IFT43: variants seen among roughly 807,000 people sequenced by gnomAD.
IFT43 encodes intraflagellar transport 43.
IFT43 carries 33 observed loss-of-function variants against 32.3 expected under a neutral mutation model. That is an observed-to-expected ratio of 1.02 (90% confidence interval 0.77 to 1.37). The LOEUF is 1.37. Ranked by LOEUF, IFT43 falls within the 40% of genes most tolerant of loss-of-function variation. The probability of loss-of-function intolerance (pLI) is 0.00; values close to 1 mark genes in which losing one functional copy is unlikely to be tolerated. For missense variants in IFT43, 274 were observed against 265.9 expected, an observed-to-expected ratio of 1.03 and a Z score of -0.21; for synonymous variants, 93 against 98.2, an observed-to-expected ratio of 0.95 and a Z score of 0.31.
intron 1 of IFT43, among the ~76,000 whole-genome samples, chr14:75,987,698 C>T (rs548795020): frequency 1.2e-4 from 19 of 152,258 alleles, no homozygotes; most frequent in African/African-American, 2.4e-4. Flanking sequence ...ATAAATATTT[C>T]AGCACCCAAG....
chr14:76,076,459 C>T lies in IFT43; in HGVS notation c.296-5836C>T. 1.2e-5 allele frequency: 16 copies of T among 1,312,636 alleles called. No homozygotes were observed. The South Asian group carries it at 2.0e-4, about 17-fold the overall frequency. The allele number at this position is 1,312,636 out of a possible 1,614,324, so 81.3% of individuals were successfully genotyped here. A position where few individuals can be genotyped will look rare whatever the true frequency, so the allele number is the denominator to read the frequency against. On this transcript the variant is annotated intron_variant, in intron 5 of 8. Transcript: ENST00000314067. Reference sequence around the variant, plus strand: ...TGAGGCATCTCTGCCTGGGTGGGACCCAGGGGCCAGATTGGGGTGTCTCCT... The same window carrying T: ...TGAGGCATCTCTGCCTGGGTGGGACTCAGGGGCCAGATTGGGGTGTCTCCT...
At chr14:76,053,161 T>C (rs2036947046) in intron 3 of IFT43, among the ~76,000 whole-genome samples, 1 of 152,114 alleles carries the variant, frequency 6.6e-6, no homozygotes. Flanking sequence ...ACATATGTGA[T>C]TATATAATTG....
At chr14:76,069,015 G>A (rs1271156562) in intron 5 of IFT43, among the ~76,000 whole-genome samples, 1 of 152,128 alleles carries the variant, frequency 6.6e-6, no homozygotes, top group African/African-American at 2.4e-5. Context: ...AGTGCACTGG[G>A]TGCTGTGAGA....
chr14:76,005,979 ATAT>A (rs1181285874), intron 2 of IFT43, among the ~76,000 whole-genome samples: 4 of 149,930 alleles, frequency 2.7e-5, no homozygotes, highest in African/African-American at 9.8e-5. Context: ...TTTTCAGATG[ATAT>A]TATTGGTGAG....
chr14:76,068,211 C>CT (rs2037259427), intron 5 of IFT43, among the ~76,000 whole-genome samples: 1 of 152,138 alleles, frequency 6.6e-6, no homozygotes, highest in Admixed American at 6.5e-5. Flanking sequence ...GTGCTGGGTC[C>CT]TGAAGGATGG....
At chr14:76,067,991 G>T (rs141449243) in intron 5 of IFT43, among the ~76,000 whole-genome samples, 5 of 152,338 alleles carry the variant, frequency 3.3e-5, no homozygotes, top group Admixed American at 6.5e-5. Flanking sequence ...GTGGGGCACT[G>T]CTCTGAAGGA....
intron 6 of IFT43, 86 bp from the exon 7 acceptor site, chr14:76,082,531 A>G: frequency 6.7e-7 from 1 of 1,501,406 alleles, no homozygotes; most frequent in Admixed American, 1.7e-5. Flanking sequence ...CCTGCTGTAT[A>G]CAAGGTTCTG....
At chr14:76,030,213 T>C (rs1965509897) in intron 3 of IFT43, among the ~76,000 whole-genome samples, 2 of 151,652 alleles carry the variant, frequency 1.3e-5, no homozygotes, top group Non-Finnish European at 2.9e-5. Flanking sequence ...CATTGTGTTA[T>C]AATTCATTTC....
intron 2 of IFT43, among the ~76,000 whole-genome samples, chr14:75,989,746 C>T (rs2035600309): frequency 6.6e-6 from 1 of 152,148 alleles, no homozygotes; most frequent in Non-Finnish European, 1.5e-5. Context: ...AGTGAGTTCC[C>T]AGACAGCAGG....
At chr14:76,007,394 A>G (rs1422443929) in intron 2 of IFT43, among the ~76,000 whole-genome samples, 2 of 152,174 alleles carry the variant, frequency 1.3e-5, no homozygotes, top group Admixed American at 6.5e-5. Context: ...CCGCCAGCCC[A>G]TGGGTTAATG....
chr14:76,038,655 A>C (rs1245295140), intron 3 of IFT43, among the ~76,000 whole-genome samples: 2 of 152,228 alleles, frequency 1.3e-5, no homozygotes, highest in African/African-American at 4.8e-5. Context: ...ATAGATGTTC[A>C]GCAAGATTTG....
intron 3 of IFT43, among the ~76,000 whole-genome samples, chr14:76,022,927 A>C (rs1029324025): frequency 6.6e-6 from 1 of 152,238 alleles, no homozygotes; most frequent in Non-Finnish European, 1.5e-5. Context: ...TCATTCATAA[A>C]GGGGAACAAT....
downstream of IFT43, chr14:76,083,917 G>A (rs1446981859): frequency 1.4e-5 from 7 of 482,906 alleles, no homozygotes; most frequent in East Asian, 6.0e-5. Flanking sequence ...TTCACTTCTC[G>A]GGAGGTTTCA....
chr14:76,021,197 T>C (rs1594822154), intron 2 of IFT43, among the ~76,000 whole-genome samples: 2 of 151,948 alleles, frequency 1.3e-5, no homozygotes, highest in African/African-American at 4.8e-5. Context: ...GTGCTAGTGG[T>C]GGTGGGGGTT....
chr14:76,083,355 G>T, intron 8 of IFT43, 66 bp downstream of exon 8: 1 of 1,612,398 alleles, frequency 6.2e-7, no homozygotes, highest in South Asian at 1.1e-5. Context: ...CCGACTCCCG[G>T]GCTGGCCTGT....
rs1487275986 is a variant in IFT43, at chr14:76,032,627, C to G, written c.215+10233C>G. ...ACACACTCTCTTATTTACATACCCC[C>G]AGTCTCCTGCACAGTGCCTAGTCCA... On this transcript the variant is annotated intron_variant, in intron 3 of 8. Coordinates refer to ENST00000314067, the MANE Select transcript of IFT43 (RefSeq NM_001102564.3). 2.0e-5 allele frequency among the ~76,000 whole-genome samples: 3 copies of G among 152,344 alleles called. No individual in the cohort carries two copies. In the East Asian group the frequency reaches 5.8e-4, roughly 29 times the overall value.
chr14:75,986,782 A>G (rs1166908600), intron 1 of IFT43, among the ~76,000 whole-genome samples: 1 of 152,236 alleles, frequency 6.6e-6, no homozygotes, highest in Non-Finnish European at 1.5e-5. Context: ...GCCCCAGAGC[A>G]AGTCTTTAGT....
intron 2 of IFT43, among the ~76,000 whole-genome samples, chr14:75,989,785 A>T (rs2035601723): frequency 1.3e-5 from 2 of 152,288 alleles, no homozygotes; most frequent in South Asian, 4.2e-4. Context: ...GCTGGCCCAT[A>T]GTAGGTTTGC....
chr14:76,051,554 G>C (rs2036914069), intron 3 of IFT43, among the ~76,000 whole-genome samples: 1 of 152,098 alleles, frequency 6.6e-6, no homozygotes, highest in Non-Finnish European at 1.5e-5. Flanking sequence ...CCTTGGTTCT[G>C]GATTTGCTGG....
Sources: gnomAD v4.1 joint callset for allele counts (sites outside exome capture counted in the v4.1 genomes callset) on GRCh38, gnomAD v4.1.1 for gene constraint, MANE v1.5 for transcripts, NCBI Gene and HGNC (gene_info 2026-07-23, HGNC 2026-07-21) for gene names.